The following INTS13 variants were observed in gnomAD, a reference collection of about 807,000 sequenced individuals.
INTS13 encodes asunder, spermatogenesis regulator homolog (Drosphila).
A neutral mutation model predicts 90.2 loss-of-function variants in INTS13; 35 were observed. The observed-to-expected ratio is 0.39, with a 90% confidence interval of 0.30 to 0.51. The LOEUF (loss-of-function observed/expected upper bound fraction) is 0.51, where lower values mean the gene tolerates loss of function less well. Among genes scored for constraint, INTS13 ranks in the 20% least tolerant of loss-of-function variants. The probability of loss-of-function intolerance (pLI) is 0.80; values close to 1 mark genes in which losing one functional copy is unlikely to be tolerated. For missense variants in INTS13, 601 were observed against 851.2 expected, an observed-to-expected ratio of 0.71 and a Z score of 3.66; for synonymous variants, 309 against 277.1, an observed-to-expected ratio of 1.11 and a Z score of -1.14.
At chr12:26,920,305 T>C (rs1423352538) in intron 8 of INTS13, among the ~76,000 whole-genome samples, 1 of 152,188 alleles carries the variant, frequency 6.6e-6, no homozygotes, top group Non-Finnish European at 1.5e-5. Flanking sequence ...TTAAAATAAC[T>C]TTTGACACAT....
At chr12:26,930,916 G>A (rs1296938288) in intron 3 of INTS13, among the ~76,000 whole-genome samples, 1 of 152,064 alleles carries the variant, frequency 6.6e-6, no homozygotes, top group Non-Finnish European at 1.5e-5. Flanking sequence ...GTTTTTTCAG[G>A]TAATAGTATA....
rs1951856588 is a variant in INTS13 at position 26,913,761 on chromosome 12, T to C, written c.1575-74A>G. 3.8e-6 allele frequency: 5 copies of C among 1,330,498 alleles called. 1 individual carries two copies. The highest frequency in any genetic ancestry group is 4.2e-5 in the Admixed American group (2 of 47,298). The allele number at this position is 1,330,498 out of a possible 1,614,324, so 82.4% of individuals were successfully genotyped here. A position where few individuals can be genotyped will look rare whatever the true frequency, so the allele number is the denominator to read the frequency against. The stretch of plus-strand genomic sequence containing the variant: ...TTTCTAGTGGTAAAGTAAAAACAAA[T>C]AATGAAATGTGGACTTCCTTCCTCT... On this transcript the variant is annotated intron_variant, in intron 13 of 16. Coordinates refer to ENST00000261191, the MANE Select transcript of INTS13 (RefSeq NM_018164.3).
chr12:26,924,407 A>C lies in INTS13; in HGVS notation c.752T>G (p.Val251Gly). The C allele has an allele frequency of 3.1e-6, 5 of 1,613,590 alleles. No homozygotes were observed. Among genetic ancestry groups the C allele is most frequent in the Non-Finnish European group, 4.2e-6 (5 of 1,179,658 alleles). ...TGAAGCCAAGTCAAAATGTTGCTGT[A>C]CTAAAATATTCAATTTGGTAGCAAG... is the stretch of plus-strand genomic sequence containing the variant. ...RHLATKLNIL[V>G]QQHFDLASTT... The change falls in exon 7 of 17, where the codon GTA becomes GGA. Residue 251 changes from valine (V) to glycine (G), a missense_variant. This residue lies in a region of INTS13 where 284 missense variants were observed against 387.7 expected (regional missense o/e 0.73). Transcript: ENST00000261191.
At chr12:26,913,359 AACT>A in intron 14 of INTS13, 95 bp downstream of exon 14, 1 of 781,982 alleles carries the variant, frequency 1.3e-6, no homozygotes, top group Non-Finnish European at 2.1e-6. Context: ...GTATTAAATG[AACT>A]ACTATTAAAT....
At chr12:26,915,614 T>C (rs1951910617) in intron 11 of INTS13, among the ~76,000 whole-genome samples, 1 of 152,178 alleles carries the variant, frequency 6.6e-6, no homozygotes, top group South Asian at 2.1e-4. Flanking sequence ...ATAAATTTCC[T>C]TTTATGTTCC....
chr12:26,907,219 A>C (rs1951636636), intron 15 of INTS13, among the ~76,000 whole-genome samples: 1 of 152,206 alleles, frequency 6.6e-6, no homozygotes, highest in African/African-American at 2.4e-5. Flanking sequence ...TACAAGACTT[A>C]ATTTGAAGTG....
chr12:26,907,951 A>G (rs182838530), intron 15 of INTS13, among the ~76,000 whole-genome samples: 1 of 152,342 alleles, frequency 6.6e-6, no homozygotes, highest in East Asian at 1.9e-4. Context: ...CTGGACAAGG[A>G]TGCAGAACAC....
intron 15 of INTS13, 150 bp downstream of exon 15, chr12:26,911,027 GT>G: frequency 2.7e-6 from 2 of 740,630 alleles, no homozygotes; most frequent in Non-Finnish European, 4.2e-6. Flanking sequence ...TAGAGGTGGG[GT>G]TTCACCATGC....
intron 14 of INTS13, among the ~76,000 whole-genome samples, chr12:26,913,066 T>C (rs575202172): frequency 1.3e-5 from 2 of 152,244 alleles, no homozygotes; most frequent in South Asian, 4.1e-4. Flanking sequence ...AGCATCACAC[T>C]GTATGTTCTT....
intron 13 of INTS13, 60 bp downstream of exon 13, chr12:26,913,914 G>T: frequency 6.8e-7 from 1 of 1,461,190 alleles, no homozygotes; most frequent in South Asian, 1.3e-5. Flanking sequence ...AAGTTATCTT[G>T]AGAAACAATA....
chr12:26,921,291 A>G (rs1952112715), intron 8 of INTS13, among the ~76,000 whole-genome samples: 1 of 152,238 alleles, frequency 6.6e-6, no homozygotes, highest in Non-Finnish European at 1.5e-5. Context: ...AGGAAAAAAA[A>G]CTAACTTAAA....
At chr12:26,930,983 G>A (rs1035433030) in intron 3 of INTS13, among the ~76,000 whole-genome samples, 9 of 152,178 alleles carry the variant, frequency 5.9e-5, no homozygotes, top group Non-Finnish European at 1.3e-4. Flanking sequence ...AGCCTACTGA[G>A]TGAATTACCT....
At chr12:26,919,606 G>A (rs1952047797) in intron 8 of INTS13, among the ~76,000 whole-genome samples, 3 of 152,260 alleles carry the variant, frequency 2.0e-5, no homozygotes, top group East Asian at 3.9e-4. Flanking sequence ...TTTGATGTAC[G>A]AGAGAAAAAT....
At chr12:26,916,712 AGACT>A (rs1240271727) in intron 10 of INTS13, among the ~76,000 whole-genome samples, 1 of 152,232 alleles carries the variant, frequency 6.6e-6, no homozygotes, top group African/African-American at 2.4e-5. Flanking sequence ...TGATAAAGAC[AGACT>A]GACTCTTTAG....
At chr12:26,936,330 G>A (rs756080873) in intron 2 of INTS13, among the ~76,000 whole-genome samples, 30 of 152,224 alleles carry the variant, frequency 2.0e-4, no homozygotes, top group Non-Finnish European at 4.0e-4. Flanking sequence ...TGAGAATTAC[G>A]GAAATTAATA....
At chr12:26,912,210 CA>C in intron 14 of INTS13, among the ~76,000 whole-genome samples, 1 of 152,224 alleles carries the variant, frequency 6.6e-6, no homozygotes, top group African/African-American at 2.4e-5. Context: ...CCAAGATGGG[CA>C]GATCGCCTGA....
chr12:26,915,983 A>G lies in INTS13; in HGVS notation c.1248+19T>C. 2 of 1,550,296 alleles carry G rather than the reference A, an allele frequency of 1.3e-6. No homozygotes were observed. Among genetic ancestry groups the G allele is most frequent in the Non-Finnish European group, 1.7e-6 (2 of 1,144,562 alleles). On this transcript the variant is annotated intron_variant, in intron 11 of 16. Coordinates refer to ENST00000261191, the MANE Select transcript of INTS13 (RefSeq NM_018164.3). ...ATGACAGATTCAAAACTTAAAATTT[A>G]TAGATATTAGAGTCTTACTGTAATC... is the stretch of plus-strand genomic sequence containing the variant.
At position 26,916,154 on chromosome 12, in the gene INTS13, G is replaced by A. The variant is rs1253615337; in HGVS notation, c.1096C>T (p.Arg366Ter). The change falls in exon 11 of 17, where the codon CGA (arginine) becomes TGA (stop). Residue 366 changes from arginine to a stop codon, truncating the protein, a stop_gained. Coordinates refer to ENST00000261191, the MANE Select transcript of INTS13 (RefSeq NM_018164.3). LOFTEE classifies it high-confidence loss of function. ...CTAATGACTTTAGAACCTGACTTTCGTGGTTGTTCCAATAAAACAGAACGA... is the reference window on the plus strand; with the variant it reads ...CTAATGACTTTAGAACCTGACTTTCATGGTTGTTCCAATAAAACAGAACGA... ...NGRSVLLEQP[R>*]KSGSKVISHM... 4.3e-6 allele frequency: 7 copies of A among 1,611,144 alleles called. No individual in the cohort carries two copies. Among genetic ancestry groups the A allele is most frequent in the Non-Finnish European group, 3.4e-6 (4 of 1,178,834 alleles).
intron 8 of INTS13, among the ~76,000 whole-genome samples, chr12:26,918,076 C>T (rs920804127): frequency 6.6e-6 from 1 of 152,002 alleles, no homozygotes; most frequent in Non-Finnish European, 1.5e-5. Flanking sequence ...GAGCTGCGAT[C>T]ACGACACTGC....
Sources: allele counts gnomAD v4.1 joint callset (sites outside exome capture counted in the v4.1 genomes callset), GRCh38; gene constraint gnomAD v4.1.1; regional missense constraint gnomAD v4.1.1; transcripts MANE v1.5; gene names NCBI Gene and HGNC (gene_info 2026-07-23, HGNC 2026-07-21).